FRMPD4: variants seen among roughly 807,000 people sequenced by gnomAD.
FRMPD4 encodes the protein FERM and PDZ domain-containing protein 4.
In FRMPD4, 22 loss-of-function variants were observed where a neutral mutation model predicts 94.1. The observed-to-expected ratio is 0.23, with a 90% confidence interval of 0.17 to 0.33. FRMPD4 has a LOEUF of 0.33. Among genes scored for constraint, FRMPD4 ranks in the 10% least tolerant of loss-of-function variants. The pLI is 1.00. For synonymous variants in FRMPD4, 631 were observed against 548.6 expected (o/e 1.15, Z -2.10); for missense variants, 1,111 against 1,339.9 (o/e 0.83, Z 2.67).
At chrX:12,454,199 GACATAA>G (rs748435498) in intron 1 of FRMPD4, among the ~76,000 whole-genome samples, 37 of 112,155 alleles carry the variant, frequency 3.3e-4, no homozygotes, top group Non-Finnish European at 6.0e-4. Context: ...TGTGCTTCCA[GACATAA>G]ATCAATCAAT....
At chrX:11,901,455 A>G (rs1170079865) in intron 3 of FRMPD4, among the ~76,000 whole-genome samples, 2 of 112,500 alleles carry the variant, frequency 1.8e-5, no homozygotes, top group African/African-American at 6.5e-5. Context: ...GCTGAGTAGT[A>G]TTCTTTGGTA....
intron 9 of FRMPD4, among the ~76,000 whole-genome samples, chrX:12,696,796 C>T (rs1307747175): frequency 9.0e-6 from 1 of 111,524 alleles, no homozygotes; most frequent in Non-Finnish European, 1.9e-5. Flanking sequence ...TTGTAATCTT[C>T]AAAAGCTGGG....
chrX:12,298,277 C>G (rs559412071), intron 1 of FRMPD4, among the ~76,000 whole-genome samples: 1 of 112,177 alleles, frequency 8.9e-6, no homozygotes, highest in South Asian at 3.8e-4. Context: ...ACACAGATCC[C>G]CTCAATGTAA....
intron 3 of FRMPD4, among the ~76,000 whole-genome samples, chrX:12,033,343 G>T (rs929345228): frequency 9.0e-6 from 1 of 111,655 alleles, no homozygotes; most frequent in Non-Finnish European, 1.9e-5. Context: ...CTAACTGAAA[G>T]AACTAGAGGC....
chrX:12,003,809 C>T (rs1906923091), intron 3 of FRMPD4, among the ~76,000 whole-genome samples: 1 of 112,254 alleles, frequency 8.9e-6, no homozygotes, highest in African/African-American at 3.2e-5. Flanking sequence ...ATTCATCCAC[C>T]CAAATATACA....
intron 3 of FRMPD4, among the ~76,000 whole-genome samples, chrX:12,002,209 A>G (rs2054528116): frequency 8.9e-6 from 1 of 111,758 alleles, no homozygotes; most frequent in African/African-American, 3.2e-5. Context: ...TTAACTTTCT[A>G]TCTCTCCAGT....
At chrX:12,706,954 A>G in intron 12 of FRMPD4, 39 bp downstream of exon 12, 1 of 702,920 alleles carries the variant, frequency 1.4e-6, no homozygotes, top group Non-Finnish European at 2.1e-6. Flanking sequence ...TTTCTCTTGG[A>G]AGCCACAGCA....
At chrX:11,947,138 G>A (rs1162789261) in intron 3 of FRMPD4, among the ~76,000 whole-genome samples, 1 of 111,805 alleles carries the variant, frequency 8.9e-6, no homozygotes, top group African/African-American at 3.2e-5. Context: ...AGTTGGATTT[G>A]GGGGATTTTT....
At chrX:12,009,537 G>C (rs1230245547) in intron 3 of FRMPD4, among the ~76,000 whole-genome samples, 4 of 112,248 alleles carry the variant, frequency 3.6e-5, no homozygotes, top group Non-Finnish European at 7.5e-5. Context: ...CATAACAGCT[G>C]AGTAAACAAT....
At chrX:12,544,162 C>T (rs2058449534) in intron 2 of FRMPD4, among the ~76,000 whole-genome samples, 1 of 109,103 alleles carries the variant, frequency 9.2e-6, no homozygotes, top group South Asian at 4.0e-4. Context: ...GTGCAGCACA[C>T]CAACATGGCA....
intron 1 of FRMPD4, among the ~76,000 whole-genome samples, chrX:12,172,913 A>G (rs2056247903): frequency 8.9e-6 from 1 of 112,826 alleles, no homozygotes; most frequent in Non-Finnish European, 1.9e-5. Context: ...CAGTTTTAGC[A>G]TTTCAAACAT....
chrX:11,879,764 T>C (rs2053803605), intron 3 of FRMPD4, among the ~76,000 whole-genome samples: 1 of 112,299 alleles, frequency 8.9e-6, no homozygotes, highest in Non-Finnish European at 1.9e-5. Context: ...TATAGAACTA[T>C]GTAAATATAG....
chrX:12,654,203 T>C (rs2059629060), intron 4 of FRMPD4, among the ~76,000 whole-genome samples: 1 of 112,354 alleles, frequency 8.9e-6, no homozygotes, highest in Non-Finnish European at 1.9e-5. Context: ...GTAAAACCTC[T>C]CTTTCTAACT....
At chrX:12,683,964 A>G (rs2059996753) in intron 6 of FRMPD4, among the ~76,000 whole-genome samples, 1 of 112,193 alleles carries the variant, frequency 8.9e-6, no homozygotes, top group Non-Finnish European at 1.9e-5. Flanking sequence ...ATTCTTCCAT[A>G]TGATAGTGCT....
At chrX:12,692,018 G>A (rs1323466478) in intron 8 of FRMPD4, among the ~76,000 whole-genome samples, 2 of 111,743 alleles carry the variant, frequency 1.8e-5, no homozygotes, top group South Asian at 3.8e-4. Flanking sequence ...CAGTTACTAC[G>A]AGTCTAATGA....
At chrX:12,417,579 CA>C (rs33972789) in intron 1 of FRMPD4, among the ~76,000 whole-genome samples, 1,024 of 64,749 alleles carry the variant, frequency 0.016, 11 homozygotes, top group Middle Eastern at 0.062. Flanking sequence ...GACTTCATCT[CA>C]AAAAAAAAAA....
chrX:11,868,872 G>A (rs916668163), intron 2 of FRMPD4, among the ~76,000 whole-genome samples: 1 of 112,537 alleles, frequency 8.9e-6, no homozygotes, highest in African/African-American at 3.2e-5. Flanking sequence ...AGTGCCTTAT[G>A]CACTATAACA....
At chrX:11,954,667 A>G (rs2054244742) in intron 3 of FRMPD4, among the ~76,000 whole-genome samples, 1 of 111,826 alleles carries the variant, frequency 8.9e-6, no homozygotes, top group Non-Finnish European at 1.9e-5. Flanking sequence ...TACAGCCTCT[A>G]TAAAATAATG....
intron 1 of FRMPD4, among the ~76,000 whole-genome samples, chrX:12,457,990 G>T (rs1482833902): frequency 6.3e-5 from 7 of 111,709 alleles, no homozygotes; most frequent in Non-Finnish European, 1.3e-4. Context: ...TTAATGATAA[G>T]GTTTACTCAC....
Sources: allele counts gnomAD v4.1 joint callset (sites outside exome capture counted in the v4.1 genomes callset), GRCh38; gene constraint gnomAD v4.1.1; transcripts MANE v1.5; gene names NCBI Gene and HGNC (gene_info 2026-07-23, HGNC 2026-07-21).